Variants in THRAP3 observed in about 807,000 individuals in gnomAD.
THRAP3 encodes thyroid hormone receptor-associated protein 3.
THRAP3 carries 16 observed loss-of-function variants against 101.0 expected under a neutral mutation model. That is an observed-to-expected ratio of 0.16 (90% CI 0.11 to 0.24). THRAP3 has a LOEUF of 0.24. THRAP3 is among the 10% of genes least tolerant of loss of function. THRAP3 has a pLI of 1.00. For synonymous variants in THRAP3, 407 were observed against 422.6 expected, an observed-to-expected ratio of 0.96 and a Z score of 0.45; for missense variants, 989 against 1,202.7, an observed-to-expected ratio of 0.82 and a Z score of 2.63.
Position 36,289,194 on chromosome 1 carries a change from C to G in THRAP3, c.1175C>G (p.Ser392Cys), listed in dbSNP as rs1283652502. 1 of 1,614,010 alleles carries G rather than the reference C, an allele frequency of 6.2e-7. No homozygotes were observed. Among genetic ancestry groups the G allele is most frequent in the African/African-American group, 1.3e-5 (1 of 74,910 alleles). The stretch of plus-strand genomic sequence containing the variant: ...GGTGATGGAAAAATGAAATCTGATT[C>G]TTTTGCTCCCAAAACTGATTCTGAG... ...GLGDGKMKSD[S>C]FAPKTDSEKP... The change falls in exon 5 of 12, where the codon TCT becomes TGT. Residue 392 changes from serine (S) to cysteine (C), a missense_variant. By Grantham distance (112) the Ser-to-Cys change is moderately radical. Coordinates refer to ENST00000354618, the MANE Select transcript of THRAP3 (RefSeq NM_005119.4).
At chr1:36,228,820 A>G (rs552317922) in intron 1 of THRAP3, among the ~76,000 whole-genome samples, 3 of 152,178 alleles carry the variant, frequency 2.0e-5, no homozygotes, top group Non-Finnish European at 4.4e-5. Flanking sequence ...GTTCTAGACC[A>G]TATAATGCAG....
rs527832398 is a variant in THRAP3 at position 36,286,488 on chromosome 1, C to T, written c.258C>T (p.Phe86=). 4.3e-6 allele frequency: 7 copies of T among 1,614,162 alleles called. No individual in the cohort carries two copies. The South Asian group carries it at 5.5e-5, about 13-fold the overall frequency. Residue 86 remains phenylalanine (F), a synonymous_variant, in exon 4 of 12, where the codon TTC becomes TTT. Coordinates refer to ENST00000354618, the MANE Select transcript of THRAP3 (RefSeq NM_005119.4). The surrounding 1 kb of genome is among the most constrained non-coding windows in gnomAD (Gnocchi z 5.5). ...GAGGCTATAGAAGGCCCTATTATTT[C>T]CGTGGGCGTAACAGAGGCTTTTATC... ...HNRGYRRPYY[F]RGRNRGFYPW... is the part of the protein sequence containing the mutation.
the THRAP3 span, among the ~76,000 whole-genome samples, chr1:36,209,913 T>A: frequency 6.6e-6 from 1 of 151,884 alleles, no homozygotes; most frequent in African/African-American, 2.4e-5. Context: ...GGAAAAAGAG[T>A]GGCAACAGTT....
intron 5 of THRAP3, 22 bp from the exon 6 acceptor site, chr1:36,291,351 GC>G: frequency 1.2e-6 from 2 of 1,609,410 alleles, no homozygotes; most frequent in South Asian, 1.1e-5. Context: ...TTCTAATTGG[GC>G]CTCCCCATAT....
rs201027706 is a variant in THRAP3 at position 36,287,094 on chromosome 1, G to C, written c.864G>C (p.Pro288=). The C allele has an allele frequency of 6.2e-7, 1 of 1,614,122 alleles. No homozygotes were observed. Among genetic ancestry groups the C allele is most frequent in the Non-Finnish European group, 8.5e-7 (1 of 1,180,022 alleles). Residue 288 remains proline (P), a synonymous_variant, in exon 4 of 12, where the codon CCG becomes CCC. Coordinates refer to ENST00000354618, the MANE Select transcript of THRAP3 (RefSeq NM_005119.4). ...SSTSQMGSTL[P]SGAGYQSGTH... ...CATCCCAGATGGGCTCAACTCTGCC[G>C]AGTGGTGCCGGGTATCAGTCTGGGA...
intron 1 of THRAP3, among the ~76,000 whole-genome samples, chr1:36,249,502 A>G (rs564779649): frequency 1.3e-5 from 2 of 152,176 alleles, no homozygotes; most frequent in African/African-American, 4.8e-5. Flanking sequence ...CACAGTCCCT[A>G]TTCTTAAGGG....
intron 8 of THRAP3, among the ~76,000 whole-genome samples, chr1:36,295,954 C>CT (rs575028397): frequency 0.018 from 1,107 of 60,456 alleles, 186 homozygotes; most frequent in East Asian, 0.067. Flanking sequence ...GCCTTCTCAA[C>CT]TTTTTTTTTT....
chr1:36,224,309 T>C (rs1051564803), upstream of THRAP3: 1 of 152,282 alleles, frequency 6.6e-6, no homozygotes, highest in African/African-American at 2.4e-5. Context: ...CGCCTTGTCT[T>C]TTGGGAAACG....
chr1:36,227,076 A>G (rs1226845452), intron 1 of THRAP3, among the ~76,000 whole-genome samples: 1 of 152,132 alleles, frequency 6.6e-6, no homozygotes, highest in Non-Finnish European at 1.5e-5. Context: ...TAGAGGAAAC[A>G]GTAAGTGCAC....
intron 1 of THRAP3, among the ~76,000 whole-genome samples, chr1:36,240,635 T>A (rs1312421933): frequency 6.6e-6 from 1 of 152,318 alleles, no homozygotes; most frequent in East Asian, 1.9e-4. Flanking sequence ...TAGCTATTCC[T>A]CTGTCCAGTC....
chr1:36,295,574 TTCCC>T (rs753182983), intron 8 of THRAP3, among the ~76,000 whole-genome samples: 9 of 146,086 alleles, frequency 6.2e-5, no homozygotes, highest in Non-Finnish European at 9.1e-5. Flanking sequence ...CCTTCCTTCC[TTCCC>T]TCCTCCCTTC....
At chr1:36,212,912 T>C in the THRAP3 span, among the ~76,000 whole-genome samples, 6 of 152,120 alleles carry the variant, frequency 3.9e-5, no homozygotes, top group African/African-American at 9.7e-5. Context: ...AAGAAGCAGA[T>C]TCTGAACTGA....
At chr1:36,274,948 C>T (rs868506218) in intron 2 of THRAP3, among the ~76,000 whole-genome samples, 20 of 148,664 alleles carry the variant, frequency 1.3e-4, no homozygotes, top group Admixed American at 4.0e-4. Context: ...TGATTTTTGA[C>T]AAGGGTGCCA....
Position 36,296,614 on chromosome 1 carries a change from A to T in THRAP3, c.2147A>T (p.Asp716Val). The change falls in exon 9 of 12, where the codon GAT becomes GTT. Residue 716 changes from aspartate to valine, a missense_variant. By Grantham distance (152) the Asp-to-Val change is radical (BLOSUM62 -3). Coordinates refer to ENST00000354618, the MANE Select transcript of THRAP3 (RefSeq NM_005119.4). ...GGAAAATACAAAGATGATCCTGTTG[A>T]TCTCCGCCTTGATATTGAACGTCGT... is the stretch of plus-strand genomic sequence containing the variant. ...AEGKYKDDPV[D>V]LRLDIERRKK... 2 of 1,581,776 alleles carry T rather than the reference A, an allele frequency of 1.3e-6. No individual in the cohort carries two copies. Among genetic ancestry groups the T allele is most frequent in the Non-Finnish European group, 1.7e-6 (2 of 1,170,438 alleles).
intron 2 of THRAP3, among the ~76,000 whole-genome samples, chr1:36,273,172 A>C (rs1645612415): frequency 6.6e-6 from 1 of 152,234 alleles, no homozygotes; most frequent in Admixed American, 6.5e-5. Flanking sequence ...TTATTTAGTT[A>C]ACTCTTTTTT....
chr1:36,250,560 A>G (rs1645287901), intron 1 of THRAP3, among the ~76,000 whole-genome samples: 2 of 152,096 alleles, frequency 1.3e-5, no homozygotes, highest in Non-Finnish European at 2.9e-5. Flanking sequence ...TAGCCACGTA[A>G]TAGTGAGATT....
At chr1:36,258,536 C>T (rs1645404299) in intron 1 of THRAP3, among the ~76,000 whole-genome samples, 1 of 152,120 alleles carries the variant, frequency 6.6e-6, no homozygotes, top group African/African-American at 2.4e-5. Context: ...AGTACAGTGG[C>T]GCGATCTCGG....
intron 1 of THRAP3, among the ~76,000 whole-genome samples, chr1:36,241,231 C>T (rs1327952954): frequency 6.0e-5 from 9 of 148,930 alleles, no homozygotes; most frequent in East Asian, 2.0e-4. Context: ...TTCAGAAATA[C>T]GTGCCGCTGA....
chr1:36,208,179 G>T, the THRAP3 span, among the ~76,000 whole-genome samples: 1 of 152,306 alleles, frequency 6.6e-6, no homozygotes, highest in South Asian at 2.1e-4. Context: ...GCCCATGTGA[G>T]CACCCAAAGC....
Sources: gnomAD v4.1 joint callset for allele counts (sites outside exome capture counted in the v4.1 genomes callset) on GRCh38, gnomAD v4.1.1 for gene constraint, Gnocchi (gnomAD v3.1) non-coding constraint, MANE v1.5 for transcripts, NCBI Gene and HGNC (gene_info 2026-07-23, HGNC 2026-07-21) for gene names.